Variants in RSPO3 observed in about 807,000 individuals in gnomAD.
RSPO3 encodes the protein R-spondin-3.
In RSPO3, 17 loss-of-function variants were observed where a neutral mutation model predicts 36.5. The observed-to-expected ratio is 0.47, with a 90% CI of 0.32 to 0.70. The LOEUF (loss-of-function observed/expected upper bound fraction) is 0.70. Among genes scored for constraint, RSPO3 ranks in the 30% least tolerant of loss-of-function variants. The pLI is 0.04. For synonymous variants in RSPO3, 108 were observed against 107.0 expected, an observed-to-expected ratio of 1.01 and a Z score of -0.06; for missense variants, 294 against 322.5, an observed-to-expected ratio of 0.91 and a Z score of 0.68.
At chr6:127,157,471 C>A (rs1320551726) in intron 4 of RSPO3, among the ~76,000 whole-genome samples, 1 of 151,956 alleles carries the variant, frequency 6.6e-6, no homozygotes, top group African/African-American at 2.4e-5. Flanking sequence ...TTAAAACTGG[C>A]ATTTATCTCA....
In RSPO3 at chr6:127,199,046, A is replaced by G. The variant is rs1361765653; in HGVS notation, c.*3039A>G. Among the ~76,000 whole-genome samples, 1 of 152,224 alleles carries G rather than the reference A, an allele frequency of 6.6e-6. No homozygotes were observed. The highest frequency in any genetic ancestry group is 1.5e-5 in the Non-Finnish European group (1 of 68,032). ...TATATAAATACAGCTAAAAACAAGAATAGATATTCATTCTCACAAAGGGAG... is the reference window on the plus strand; with the variant it reads ...TATATAAATACAGCTAAAAACAAGAGTAGATATTCATTCTCACAAAGGGAG... On this transcript the variant is annotated 3_prime_UTR_variant, in exon 5 of 5. Coordinates refer to ENST00000356698, the MANE Select transcript of RSPO3 (RefSeq NM_032784.5).
At chr6:127,183,478 G>A (rs1775229564) in intron 4 of RSPO3, among the ~76,000 whole-genome samples, 1 of 151,922 alleles carries the variant, frequency 6.6e-6, no homozygotes, top group South Asian at 2.1e-4. Context: ...GGGACACTGG[G>A]TAATCACAGC....
chr6:127,196,035 A>G lies in RSPO3; in HGVS notation c.*28A>G. ...GGTTCCATGAGATTATTGTAGACTC[A>G]TGATGCTGCTATCTCAACCAGATGC... is the stretch of plus-strand genomic sequence containing the variant. On this transcript the variant is annotated 3_prime_UTR_variant, in exon 5 of 5. Transcript: ENST00000356698. 1 of 1,548,122 alleles carries G rather than the reference A, an allele frequency of 6.5e-7. No individual in the cohort carries two copies. The highest frequency in any genetic ancestry group is 1.3e-5 in the South Asian group (1 of 77,918).
intron 4 of RSPO3, among the ~76,000 whole-genome samples, chr6:127,184,520 GAA>G (rs1330181186): frequency 1.3e-5 from 2 of 151,932 alleles, no homozygotes; most frequent in Admixed American, 6.6e-5. Context: ...TGTTGGGAGG[GAA>G]AGTCTATGCA....
intron 4 of RSPO3, among the ~76,000 whole-genome samples, chr6:127,189,096 C>T (rs1489151252): frequency 6.6e-6 from 1 of 152,036 alleles, no homozygotes; most frequent in Non-Finnish European, 1.5e-5. Context: ...TATTTTGCAC[C>T]AACCTAATAA....
Position 127,119,099 on chromosome 6 carries a change from ATACGCCTAACACC to A in RSPO3, c.-90_-78del. 1 of 978,428 alleles carries A rather than the reference ATACGCCTAACACC, an allele frequency of 1.0e-6. No homozygotes were observed. The highest frequency in any genetic ancestry group is 1.6e-5 in the South Asian group (1 of 63,506). 60.6% of individuals were successfully genotyped at this position (978,428 alleles called of 1,614,324 possible). A position where few individuals can be genotyped will look rare whatever the true frequency, so the allele number is the denominator to read the frequency against. The stretch of plus-strand genomic sequence containing the variant: ...GTCCCGCTGCTCGGGCACTGTCTAT[ATACGCCTAACACC>A]TACATATATTTTAAAAACATTAAAT... On this transcript the variant is annotated 5_prime_UTR_variant, in exon 1 of 5. Coordinates refer to ENST00000356698, the MANE Select transcript of RSPO3 (RefSeq NM_032784.5).
intron 1 of RSPO3, among the ~76,000 whole-genome samples, chr6:127,119,623 G>C (rs1773796682): frequency 6.6e-6 from 1 of 152,244 alleles, no homozygotes. Flanking sequence ...GGATCGGACA[G>C]GGGCACCCAG....
chr6:127,177,398 A>G (rs1775077277), intron 4 of RSPO3, among the ~76,000 whole-genome samples: 1 of 151,706 alleles, frequency 6.6e-6, no homozygotes, highest in Non-Finnish European at 1.5e-5. Flanking sequence ...TCCTTCTTGA[A>G]CCCAGCTGGC....
Position 127,149,504 on chromosome 6 carries a change from C to T in RSPO3, c.289+665C>T, listed in dbSNP as rs371137976. Among the ~76,000 whole-genome samples the T allele has an allele frequency of 2.3e-3, 343 of 152,118 alleles. 1 individual carries two copies. The highest frequency in any genetic ancestry group is 8.1e-3 in the African/African-American group (336 of 41,516). On this transcript the variant is annotated intron_variant, in intron 2 of 4. Transcript: ENST00000356698. ...TTCTAGCAGTTGGAAAGCTTTTTGT[C>T]CACATCTTTGCATAGCTGGCTGTCT...
intron 4 of RSPO3, among the ~76,000 whole-genome samples, chr6:127,165,032 T>C (rs1224716185): frequency 6.6e-6 from 1 of 152,078 alleles, no homozygotes; most frequent in Non-Finnish European, 1.5e-5. Flanking sequence ...ACATAAAATG[T>C]AATATCTGAA....
intron 4 of RSPO3, among the ~76,000 whole-genome samples, chr6:127,174,546 T>C (rs1404089681): frequency 6.6e-6 from 1 of 151,854 alleles, no homozygotes; most frequent in Non-Finnish European, 1.5e-5. Flanking sequence ...CTAGCTTTTA[T>C]TTTGTTACCA....
chr6:127,123,561 A>G (rs1773886069), intron 1 of RSPO3, among the ~76,000 whole-genome samples: 1 of 152,162 alleles, frequency 6.6e-6, no homozygotes, highest in African/African-American at 2.4e-5. Flanking sequence ...TGTTTCTCAA[A>G]ATATCCCATG....
rs758645921 is a variant in RSPO3, at chr6:127,119,212, C to A, written c.20C>A (p.Ser7Tyr). MHLRLI[S>Y]WLFIILNFME... is the part of the protein sequence containing the mutation. The stretch of plus-strand genomic sequence containing the variant: ...GTTACTATGCACTTGCGACTGATTT[C>A]TTGGCTTTTTATCATTTTGAACTTT... The change falls in exon 1 of 5, where the codon TCT becomes TAT. Residue 7 changes from serine to tyrosine, a missense_variant. Coordinates refer to ENST00000356698, the MANE Select transcript of RSPO3 (RefSeq NM_032784.5). The A allele has an allele frequency of 3.7e-6, 6 of 1,613,570 alleles. No homozygotes were observed. The East Asian group carries it at 1.3e-4, about 36-fold the overall frequency.
intron 3 of RSPO3, 89 bp from the exon 4 acceptor site, chr6:127,155,152 A>C: frequency 1.5e-6 from 2 of 1,297,372 alleles, no homozygotes; most frequent in Non-Finnish European, 2.2e-6. Context: ...AATGTGGGCA[A>C]GTTCTGATGG....
intron 3 of RSPO3, among the ~76,000 whole-genome samples, chr6:127,153,280 G>A (rs929965304): frequency 6.6e-6 from 1 of 151,536 alleles, no homozygotes; most frequent in Non-Finnish European, 1.5e-5. Context: ...ATTCTACATT[G>A]TTCATTAAAT....
At position 127,195,856 on chromosome 6, in the gene RSPO3, C is replaced by A; in HGVS notation, c.668C>A (p.Pro223His). The A allele has an allele frequency of 2.5e-6, 4 of 1,582,332 alleles. No homozygotes were observed. The highest frequency in any genetic ancestry group is 3.4e-6 in the Non-Finnish European group (4 of 1,164,556). The change falls in exon 5 of 5, where the codon CCT becomes CAT. Residue 223 changes from proline (P) to histidine (H), a missense_variant. This residue lies in a region of RSPO3 where 190 missense variants were observed against 185.2 expected (regional missense o/e 1.03). Transcript: ENST00000356698. ...KKGRERKRKK[P>H]NKGESKEAIP... ...GGAAGGGAGAGGAAAAGAAAAAAAC[C>A]TAATAAAGGAGAAAGTAAAGAAGCA...
chr6:127,192,436 G>C (rs1775430309), intron 4 of RSPO3, among the ~76,000 whole-genome samples: 1 of 152,134 alleles, frequency 6.6e-6, no homozygotes, highest in East Asian at 1.9e-4. Context: ...AAATATATCA[G>C]AGAGTTAATC....
chr6:127,164,875 G>GT (rs1444768266), intron 4 of RSPO3, among the ~76,000 whole-genome samples: 2 of 152,032 alleles, frequency 1.3e-5, no homozygotes, highest in African/African-American at 2.4e-5. Context: ...TTGTTTACTT[G>GT]TTTTTTCTGC....
In RSPO3 at chr6:127,199,238, C is replaced by G. The variant is rs1427013660; in HGVS notation, c.*3231C>G. On this transcript the variant is annotated 3_prime_UTR_variant, in exon 5 of 5. Transcript: ENST00000356698. ...AATGGAATTGGCATCATCTCTTTTG[C>G]AAGATTGTTATGAGAATTAAAAGGT... is the stretch of plus-strand genomic sequence containing the variant. 6.6e-6 allele frequency among the ~76,000 whole-genome samples: 1 copy of G among 152,010 alleles called. No homozygotes were observed. Among genetic ancestry groups the G allele is most frequent in the Non-Finnish European group, 1.5e-5 (1 of 68,004 alleles).
Sources: gnomAD v4.1 joint callset for allele counts (sites outside exome capture counted in the v4.1 genomes callset) on GRCh38, gnomAD v4.1.1 for gene constraint, gnomAD v4.1.1 regional missense constraint, MANE v1.5 for transcripts, NCBI Gene and HGNC (gene_info 2026-07-23, HGNC 2026-07-21) for gene names.